The following DLGAP2 variants were observed in gnomAD, a reference collection of about 807,000 sequenced individuals.
The protein encoded by DLGAP2 is DLG associated protein 2, also known as disks large-associated protein 2.
In DLGAP2, 26 loss-of-function variants were observed where a neutral mutation model predicts 100.3. The ratio of observed to expected loss-of-function variants is 0.26; its 90% CI spans 0.19 to 0.36. DLGAP2 has a LOEUF of 0.36. Ranked by LOEUF, DLGAP2 falls within the 10% of genes least tolerant of loss-of-function variation. The pLI is 1.00. For missense variants in DLGAP2, 1,858 were observed against 1,453.2 expected, an observed-to-expected ratio of 1.28 and a Z score of -4.53; for synonymous variants, 886 against 630.1, an observed-to-expected ratio of 1.41 and a Z score of -6.08.
chr8:1,059,679 G>T (rs1476510473), intron 2 of DLGAP2, among the ~76,000 whole-genome samples: 1 of 152,136 alleles, frequency 6.6e-6, no homozygotes, highest in Non-Finnish European at 1.5e-5. Flanking sequence ...GATATGCTGT[G>T]GTCAGCCTCC....
chr8:1,307,016 A>G (rs1359072187), intron 3 of DLGAP2, among the ~76,000 whole-genome samples: 1 of 152,192 alleles, frequency 6.6e-6, no homozygotes, highest in African/African-American at 2.4e-5. Context: ...TACAAGCAAC[A>G]AAAGAATAGA....
At chr8:1,182,479 C>G (rs564452969) in intron 2 of DLGAP2, among the ~76,000 whole-genome samples, 7 of 152,288 alleles carry the variant, frequency 4.6e-5, no homozygotes, top group African/African-American at 1.7e-4. Context: ...TCTCGTAGCC[C>G]TAACAGAATT....
intron 3 of DLGAP2, among the ~76,000 whole-genome samples, chr8:1,261,385 G>A (rs1451267528): frequency 2.1e-5 from 3 of 143,698 alleles, no homozygotes; most frequent in Non-Finnish European, 4.5e-5. Flanking sequence ...TCTTTAAAAT[G>A]AGACAGACTG....
chr8:1,059,516 G>A (rs1440262237), intron 2 of DLGAP2, among the ~76,000 whole-genome samples: 2 of 152,204 alleles, frequency 1.3e-5, no homozygotes, highest in African/African-American at 4.8e-5. Context: ...AGCACGTGGT[G>A]TGTGGCGAGT....
intron 1 of DLGAP2, among the ~76,000 whole-genome samples, chr8:825,936 T>C (rs1018694652): frequency 6.6e-6 from 1 of 152,372 alleles, no homozygotes; most frequent in South Asian, 2.1e-4. Context: ...CTAGATTGTA[T>C]TCATTCTATC....
At position 1,350,192 on chromosome 8, in the gene DLGAP2, TCCTGAGTGTGCGTGGAAAGGCC is replaced by T. The variant is rs1563098917; in HGVS notation, c.106+91310_106+91331del. Among the ~76,000 whole-genome samples the T allele has an allele frequency of 4.4e-4, 67 of 150,606 alleles. 1 individual carries two copies. The highest frequency in any genetic ancestry group is 2.4e-3 in the East Asian group (12 of 5,100). Reference sequence around the variant, plus strand: ...TTGTGGCGTGGAAAGGCCGCGCGGGTCCTGAGTGTGCGTGGAAAGGCCGTGCGGGTCCTGAGTGTGCGTGGAA... The same window carrying T: ...TTGTGGCGTGGAAAGGCCGCGCGGGTGTGCGGGTCCTGAGTGTGCGTGGAA... On this transcript the variant is annotated intron_variant, in intron 3 of 14. Transcript: ENST00000637795.
chr8:1,624,618 T>A lies in DLGAP2; in HGVS notation c.1443-2122T>A, dbSNP rs142213968. Among the ~76,000 whole-genome samples the A allele has an allele frequency of 2.8e-3, 429 of 151,918 alleles. 3 individuals are homozygous for A. Among genetic ancestry groups the A allele is most frequent in the African/African-American group, 9.6e-3 (398 of 41,438 alleles). On this transcript the variant is annotated intron_variant, in intron 6 of 14. Coordinates refer to ENST00000637795, the MANE Select transcript of DLGAP2 (RefSeq NM_001346810.2). ...GGGTGGTGACAGCCAAGGTCAGGGA[T>A]CCGTGTTAGCTCGCCTTCTGTTCAC...
rs1333763201 is a variant in DLGAP2, at chr8:1,668,666, C to T, written c.2148C>T (p.Ser716=). ...AGCTCCTCAAGAGCCGCTGCTCCTC[C>T]ATCGGGATTCAGGTAGCTGCTCTTG... ...AEELLKSRCS[S]IGIQDSEFPE... is the part of the protein sequence containing the mutation. The change falls in exon 9 of 15, where the codon TCC becomes TCT. Residue 716 remains serine, a synonymous_variant. Transcript: ENST00000637795. 1.3e-6 allele frequency: 2 copies of T among 1,553,828 alleles called. No homozygotes were observed. Among genetic ancestry groups the T allele is most frequent in the African/African-American group, 2.7e-5 (2 of 73,394 alleles).
chr8:1,520,812 A>G (rs552569165), intron 4 of DLGAP2, among the ~76,000 whole-genome samples: 13 of 152,316 alleles, frequency 8.5e-5, no homozygotes, highest in Admixed American at 2.0e-4. Flanking sequence ...TAATGTTGCT[A>G]TACACATCTG....
rs148527407 is a variant in DLGAP2, at chr8:1,514,038, G to A, written c.172+12607G>A. On this transcript the variant is annotated intron_variant, in intron 4 of 14. Coordinates refer to ENST00000637795, the MANE Select transcript of DLGAP2 (RefSeq NM_001346810.2). ...CTTACGTGATATGGGGCACAGATTT[G>A]CTTTAAATAATTTACTTCTGAGCGC... 9.2e-4 allele frequency among the ~76,000 whole-genome samples: 140 copies of A among 152,312 alleles called. 1 individual carries two copies. In the East Asian group the frequency reaches 0.025, roughly 27 times the overall value.
At chr8:1,351,833 A>T (rs1040374143) in intron 3 of DLGAP2, among the ~76,000 whole-genome samples, 117 of 31,782 alleles carry the variant, frequency 3.7e-3, no homozygotes, top group Middle Eastern at 0.025. Context: ...TGGAAAGGCC[A>T]TGCGGGTCCT....
intron 1 of DLGAP2, among the ~76,000 whole-genome samples, chr8:814,583 C>G (rs1796428980): frequency 1.3e-5 from 2 of 151,642 alleles, no homozygotes; most frequent in Admixed American, 1.3e-4. Context: ...GTAAAATGAC[C>G]AATTAGAAAT....
intron 4 of DLGAP2, among the ~76,000 whole-genome samples, chr8:1,545,059 T>G (rs541337399): frequency 2.1e-4 from 32 of 152,284 alleles, no homozygotes; most frequent in African/African-American, 7.5e-4. Flanking sequence ...CATCTCTATT[T>G]ATAAGGGATA....
At chr8:1,320,279 A>T (rs76802286) in intron 3 of DLGAP2, among the ~76,000 whole-genome samples, 1,535 of 152,136 alleles carry the variant, frequency 0.01, 27 homozygotes, top group African/African-American at 0.035. Context: ...TGTAGTAAAG[A>T]TCCAAGCAGA....
intron 6 of DLGAP2, chr8:1,621,636 G>C (rs1028726716): frequency 1.3e-5 from 2 of 152,182 alleles, no homozygotes; most frequent in Non-Finnish European, 2.9e-5. Flanking sequence ...GTGCTCCATA[G>C]ACTCACCAGC....
intron 8 of DLGAP2, among the ~76,000 whole-genome samples, chr8:1,633,635 C>G (rs967438749): frequency 6.6e-6 from 1 of 152,206 alleles, no homozygotes; most frequent in Admixed American, 6.5e-5. Flanking sequence ...TAATATTTTA[C>G]TGCCTAATAT....
chr8:1,482,963 C>T (rs1009857107), intron 3 of DLGAP2, among the ~76,000 whole-genome samples: 3 of 152,246 alleles, frequency 2.0e-5, no homozygotes, highest in African/African-American at 7.2e-5. Context: ...CACAGCCCGG[C>T]CATCCTCACG....
At chr8:1,330,891 TGAG>T (rs1801142169) in intron 3 of DLGAP2, among the ~76,000 whole-genome samples, 1 of 146,774 alleles carries the variant, frequency 6.8e-6, no homozygotes, top group African/African-American at 2.6e-5. Context: ...TCACGGGGAC[TGAG>T]TTCTGTGTGG....
chr8:893,248 C>T (rs1200365216), intron 1 of DLGAP2: 1 of 152,112 alleles, frequency 6.6e-6, no homozygotes, highest in African/African-American at 2.4e-5. Context: ...TCCTGCCCTC[C>T]AGAGTCACTT....
Sources: allele counts gnomAD v4.1 joint callset (sites outside exome capture counted in the v4.1 genomes callset), GRCh38; gene constraint gnomAD v4.1.1; transcripts MANE v1.5; gene names NCBI Gene and HGNC (gene_info 2026-07-23, HGNC 2026-07-21).